The following MME variants were observed in gnomAD, a reference collection of about 807,000 sequenced individuals.
MME encodes membrane metalloendopeptidase.
Under a neutral mutation model 113.2 loss-of-function variants are expected in MME, and 98 were observed. The ratio of observed to expected loss-of-function variants is 0.87; its 90% CI spans 0.74 to 1.02. The LOEUF (loss-of-function observed/expected upper bound fraction) is 1.02. Ranked by LOEUF, MME falls within the 50% of genes least tolerant of loss-of-function variation. MME has a pLI of 0.00. For synonymous variants in MME, 292 were observed against 300.6 expected, an observed-to-expected ratio of 0.97 and a Z score of 0.30; for missense variants, 836 against 896.0, an observed-to-expected ratio of 0.93 and a Z score of 0.86.
intron 20 of MME, among the ~76,000 whole-genome samples, chr3:155,169,063 G>C (rs1014582828): frequency 8.5e-5 from 13 of 152,080 alleles, no homozygotes; most frequent in African/African-American, 3.1e-4. Context: ...AATGAGGAGA[G>C]AGCAGGTTCA....
At chr3:155,079,457 T>TTC (rs1714916358), upstream of MME, among the ~76,000 whole-genome samples, 1 of 151,982 alleles carries the variant, frequency 6.6e-6, no homozygotes, top group African/African-American at 2.4e-5. Flanking sequence ...CTTTTGGGAA[T>TTC]GGTGAGATGG....
At chr3:155,172,241 T>C (rs1712052980) in intron 21 of MME, 29 bp downstream of exon 21, 4 of 1,425,978 alleles carry the variant, frequency 2.8e-6, no homozygotes, top group East Asian at 4.6e-5. Context: ...TTGATAGATA[T>C]GAAAACCATT....
intron 10 of MME, among the ~76,000 whole-genome samples, chr3:155,141,758 G>T (rs761271248): frequency 2.6e-5 from 4 of 152,020 alleles, no homozygotes; most frequent in Non-Finnish European, 5.9e-5. Context: ...TAATTTCTAG[G>T]TATATGTTCC....
At chr3:155,089,960 C>CA (rs1161632388) in intron 3 of MME, 93 of 324,202 alleles carry the variant, frequency 2.9e-4, no homozygotes, top group South Asian at 3.7e-4. Context: ...ACTCTATCTC[C>CA]AAAAAAAAGA....
chr3:155,067,802 A>G (rs79837905), intron 1 of MME, among the ~76,000 whole-genome samples: 20,910 of 152,218 alleles, frequency 0.14, 2,290 homozygotes, highest in African/African-American at 0.3. Context: ...ACAAGAATGT[A>G]GGGCAAATGG....
At chr3:155,072,152 A>G (rs1431074055) in intron 1 of MME, among the ~76,000 whole-genome samples, 1 of 126,272 alleles carries the variant, frequency 7.9e-6, no homozygotes, top group Non-Finnish European at 1.6e-5. Flanking sequence ...TGGGCGACAG[A>G]GCGAGACTCC....
chr3:155,131,317 C>G (rs1245597353), intron 8 of MME, among the ~76,000 whole-genome samples: 1 of 152,112 alleles, frequency 6.6e-6, no homozygotes, highest in African/African-American at 2.4e-5. Context: ...ACTGCTCGGC[C>G]AATATGTGCC....
intron 12 of MME, among the ~76,000 whole-genome samples, chr3:155,142,597 A>G (rs893598977): frequency 6.6e-6 from 1 of 152,128 alleles, no homozygotes; most frequent in Admixed American, 6.6e-5. Context: ...ATGAAAGAAT[A>G]CTGTCTGGAT....
upstream of MME, among the ~76,000 whole-genome samples, chr3:155,077,101 C>T (rs1433878164): frequency 4.6e-5 from 7 of 152,162 alleles, no homozygotes; most frequent in South Asian, 2.1e-4. Flanking sequence ...TTATTTTACC[C>T]GGCCCCTATT....
intron 3 of MME, among the ~76,000 whole-genome samples, chr3:155,109,010 G>T (rs1043670632): frequency 6.6e-6 from 1 of 152,188 alleles, no homozygotes; most frequent in Admixed American, 6.5e-5. Context: ...ATTTCACCAT[G>T]TCTAATCGTG....
At chr3:155,076,621 A>T (rs1010173191), upstream of MME, among the ~76,000 whole-genome samples, 1 of 152,234 alleles carries the variant, frequency 6.6e-6, no homozygotes, top group Non-Finnish European at 1.5e-5. Flanking sequence ...TTTATTAGGA[A>T]AGTAAAGGAA....
intron 8 of MME, among the ~76,000 whole-genome samples, chr3:155,128,935 C>A (rs1263897456): frequency 2.0e-5 from 3 of 152,208 alleles, no homozygotes; most frequent in Admixed American, 6.5e-5. Flanking sequence ...TAATAGCATA[C>A]ATTTCTTTAG....
chr3:155,078,614 T>G (rs1206583382), upstream of MME, among the ~76,000 whole-genome samples: 1 of 151,934 alleles, frequency 6.6e-6, no homozygotes, highest in African/African-American at 2.4e-5. Flanking sequence ...AAACCCAGTT[T>G]TATTTCAGTA....
At chr3:155,125,329 GTGAGATGAACCC>G (rs1421095765) in intron 8 of MME, among the ~76,000 whole-genome samples, 35,075 of 134,704 alleles carry the variant, frequency 0.26, 5,982 homozygotes, top group East Asian at 0.39. Flanking sequence ...GGACTCCCTA[GTGAGATGAACCC>G]GGTACCTCAG....
chr3:155,140,046 G>T, intron 9 of MME, 145 bp from the exon 10 acceptor site: 4 of 491,650 alleles, frequency 8.1e-6, no homozygotes, highest in East Asian at 3.7e-5. Flanking sequence ...CACTTTTTTT[G>T]AAATGACAAA....
At chr3:155,046,230 C>A (rs994960129) in intron 1 of MME, among the ~76,000 whole-genome samples, 9 of 152,172 alleles carry the variant, frequency 5.9e-5, no homozygotes, top group African/African-American at 1.9e-4. Context: ...TTAAAGTTTA[C>A]TGACTGGTTC....
chr3:155,098,477 A>G (rs1225708252), intron 3 of MME, among the ~76,000 whole-genome samples: 1 of 151,564 alleles, frequency 6.6e-6, no homozygotes, highest in South Asian at 2.1e-4. Flanking sequence ...TATCACTTGA[A>G]CCCAGGAGGT....
At chr3:155,047,940 C>A (rs181386844) in intron 1 of MME, among the ~76,000 whole-genome samples, 1 of 152,218 alleles carries the variant, frequency 6.6e-6, no homozygotes, top group African/African-American at 2.4e-5. Context: ...ATTTATGGTT[C>A]ATGGATTAGT....
intron 22 of MME, among the ~76,000 whole-genome samples, chr3:155,179,327 A>C (rs1712851380): frequency 6.6e-6 from 1 of 152,164 alleles, no homozygotes; most frequent in South Asian, 2.1e-4. Flanking sequence ...GAAGCCATGG[A>C]CAGGAGTTTA....
Sources: allele counts gnomAD v4.1 joint callset (sites outside exome capture counted in the v4.1 genomes callset), GRCh38; gene constraint gnomAD v4.1.1; transcripts MANE v1.5; gene names NCBI Gene and HGNC (gene_info 2026-07-23, HGNC 2026-07-21).